HAUS8: variants seen among roughly 807,000 people sequenced by gnomAD.
The protein encoded by HAUS8 is HAUS augmin-like complex subunit 8.
In HAUS8, 38 loss-of-function variants were observed where a neutral mutation model predicts 42.9. The ratio of observed to expected loss-of-function variants is 0.89; its 90% CI spans 0.68 to 1.16. The LOEUF (loss-of-function observed/expected upper bound fraction) is 1.16, where lower values mean the gene tolerates loss of function less well. Ranked by LOEUF, HAUS8 falls within the 50% of genes most tolerant of loss-of-function variation. The pLI, the probability that HAUS8 is intolerant of heterozygous loss-of-function variation, is 0.00. For synonymous variants in HAUS8, 199 were observed against 205.8 expected (o/e 0.97, Z 0.28); for missense variants, 494 against 511.6 (o/e 0.97, Z 0.33).
At chr19:17,060,835 A>G (rs2057356080) in intron 4 of HAUS8, among the ~76,000 whole-genome samples, 1 of 152,252 alleles carries the variant, frequency 6.6e-6, no homozygotes, top group Non-Finnish European at 1.5e-5. Flanking sequence ...GGGCACTAGC[A>G]TACAGCATGC....
rs1332769065 is a variant in HAUS8, at chr19:17,050,080, G to A, written c.1026C>T (p.Pro342=). The change falls in exon 11 of 11, where the codon CCC becomes CCT. Residue 342 remains proline, a synonymous_variant. Transcript: ENST00000253669. ...CTTGATTGAAATACCACCGGCTGGG[G>A]GGCGCCATGCCCTGGGTCTCTTCCC... ...EVWEETQGMA[P]PSRWYFNQDS... 6.2e-7 allele frequency: 1 copy of A among 1,603,508 alleles called. No homozygotes were observed. The highest frequency in any genetic ancestry group is 8.5e-7 in the Non-Finnish European group (1 of 1,175,034).
Position 17,058,700 on chromosome 19 carries a change from T to C in HAUS8, c.494A>G (p.Asn165Ser). The C allele has an allele frequency of 6.2e-7, 1 of 1,607,404 alleles. No homozygotes were observed. Among genetic ancestry groups the C allele is most frequent in the Middle Eastern group, 1.7e-4 (1 of 6,014 alleles). ...CCTTCTTTCAAACTCAGCAAGATTG[T>C]TCTCCATCTGTTAAATGTGAAAGAA... ...LLTLLSVKME[N>S]NLAEFERRAE... Residue 165 changes from asparagine (N) to serine (S), a missense_variant, in exon 8 of 11, where the codon AAC becomes AGC. Asn to Ser is a conservative substitution (Grantham distance 46, BLOSUM62 1). Coordinates refer to ENST00000253669, the MANE Select transcript of HAUS8 (RefSeq NM_033417.2).
At chr19:17,057,785 A>G (rs911315426) in intron 8 of HAUS8, among the ~76,000 whole-genome samples, 4 of 152,110 alleles carry the variant, frequency 2.6e-5, no homozygotes, top group African/African-American at 9.7e-5. Context: ...ATTTGAAAAG[A>G]GGGACTTTAT....
chr19:17,067,204 C>CAA (rs113437145), intron 3 of HAUS8, among the ~76,000 whole-genome samples: 2,361 of 124,154 alleles, frequency 0.019, 77 homozygotes, highest in African/African-American at 0.062. Flanking sequence ...GACTCCATCT[C>CAA]AAAAAAAAAA....
Position 17,049,870 on chromosome 19 carries a change from G to C in HAUS8, c.*3C>G, listed in dbSNP as rs377710047. 3 of 1,470,682 alleles carry C rather than the reference G, an allele frequency of 2.0e-6. No individual in the cohort carries two copies. The highest frequency in any genetic ancestry group is 1.4e-5 in the African/African-American group (1 of 70,090). The allele number at this position is 1,470,682 out of a possible 1,614,324, so 91.1% of individuals were successfully genotyped here. On this transcript the variant is annotated 3_prime_UTR_variant, in exon 11 of 11. Coordinates refer to ENST00000253669, the MANE Select transcript of HAUS8 (RefSeq NM_033417.2). ...GCTCAAGTATCCTGAATGTAACCAT[G>C]AGTCATGACAAGTCCCTCCCTGAAC...
At chr19:17,073,386 A>G in intron 1 of HAUS8, 51 bp from the exon 2 acceptor site, 9 of 1,562,142 alleles carry the variant, frequency 5.8e-6, no homozygotes, top group Non-Finnish European at 7.9e-6. Flanking sequence ...CAAGAAGCAC[A>G]GGGAAGCCGG....
intron 10 of HAUS8, 195 bp downstream of exon 10, chr19:17,052,630 A>T: frequency 1.9e-6 from 1 of 530,938 alleles, no homozygotes; most frequent in East Asian, 3.2e-5. Context: ...AGATTTTGTT[A>T]TCCACAATAC....
chr19:17,063,472 C>T (rs911390456), intron 3 of HAUS8, among the ~76,000 whole-genome samples: 13 of 152,188 alleles, frequency 8.5e-5, no homozygotes, highest in African/African-American at 2.4e-4. Context: ...TTCTTACAAA[C>T]GTAATTTTTC....
In HAUS8 at chr19:17,058,619, G is replaced by A. The variant is rs774418271; in HGVS notation, c.575C>T (p.Ala192Val). The change falls in exon 8 of 11, where the codon GCC becomes GTC. Residue 192 changes from alanine to valine, a missense_variant. Coordinates refer to ENST00000253669, the MANE Select transcript of HAUS8 (RefSeq NM_033417.2). ...CKEKEKLQKK[A>V]HELKRRLLLS... ...GAGAAGCCTGCGCTTCAGCTCGTGG[G>A]CCTTTTTCTGTAGCTTCTCCTTCTC... 6.2e-7 allele frequency: 1 copy of A among 1,613,668 alleles called. No individual in the cohort carries two copies. The highest frequency in any genetic ancestry group is 1.7e-5 in the Admixed American group (1 of 59,886).
In HAUS8 at chr19:17,052,940, T is replaced by C; in HGVS notation, c.814A>G (p.Thr272Ala). 2 of 1,614,164 alleles carry C rather than the reference T, an allele frequency of 1.2e-6. No individual in the cohort carries two copies. Among genetic ancestry groups the C allele is most frequent in the South Asian group, 1.1e-5 (1 of 91,080 alleles). The change falls in exon 10 of 11, where the codon ACT becomes GCT. Residue 272 changes from threonine (T) to alanine (A), a missense_variant. Physicochemically the swap from Thr to Ala is moderately conservative, Grantham distance 58. Coordinates refer to ENST00000253669, the MANE Select transcript of HAUS8 (RefSeq NM_033417.2). ...LDALQHELVTTQRLLGELDVG... is the reference protein window; with the variant it reads ...LDALQHELVTAQRLLGELDVG... ...TCAAGTTCTCCCAGGAGGCGCTGAG[T>C]GGTCACCAGTTCATGCTGCAGGGCG...
chr19:17,056,932 T>G (rs568856657), intron 8 of HAUS8, among the ~76,000 whole-genome samples: 28 of 152,168 alleles, frequency 1.8e-4, no homozygotes, highest in African/African-American at 6.0e-4. Flanking sequence ...CAAGGTGGAG[T>G]GCTGTGGAGT....
At chr19:17,075,252 T>G (rs1246980818) in intron 1 of HAUS8, 142 bp downstream of exon 1, 2 of 875,648 alleles carry the variant, frequency 2.3e-6, no homozygotes, top group East Asian at 2.6e-5. Context: ...CAGCACGCCA[T>G]CGGGGTCTTC....
intron 9 of HAUS8, among the ~76,000 whole-genome samples, chr19:17,054,515 A>T (rs1417076683): frequency 6.6e-6 from 1 of 151,906 alleles, no homozygotes; most frequent in Non-Finnish European, 1.5e-5. Context: ...ATAATTAGCC[A>T]GGTGCGCCAG....
intron 9 of HAUS8, chr19:17,053,428 G>A (rs1055341631): frequency 6.1e-6 from 1 of 162,882 alleles, no homozygotes; most frequent in Admixed American, 6.0e-5. Context: ...AAGGCCAGTC[G>A]TACATGAGAG....
intron 2 of HAUS8, among the ~76,000 whole-genome samples, chr19:17,072,338 CTTT>C (rs71180355): frequency 4.6e-5 from 4 of 87,530 alleles, no homozygotes; most frequent in Non-Finnish European, 4.1e-5. Flanking sequence ...CGAGCATTTC[CTTT>C]TTTTTTTTTT....
intron 3 of HAUS8, among the ~76,000 whole-genome samples, chr19:17,068,797 G>A (rs546283084): frequency 1.3e-5 from 2 of 152,202 alleles, no homozygotes; most frequent in South Asian, 2.1e-4. Context: ...ACGATACCAT[G>A]TTTCAATGGA....
intron 3 of HAUS8, among the ~76,000 whole-genome samples, chr19:17,067,496 C>A (rs1036682596): frequency 6.6e-6 from 1 of 151,988 alleles, no homozygotes; most frequent in East Asian, 1.9e-4. Flanking sequence ...TCAAAACAGG[C>A]AAGACCCTAT....
chr19:17,067,890 T>C (rs1032788397), intron 3 of HAUS8, among the ~76,000 whole-genome samples: 1 of 152,110 alleles, frequency 6.6e-6, no homozygotes, highest in African/African-American at 2.4e-5. Context: ...TATATAATTG[T>C]ATAATCTACT....
At chr19:17,071,633 G>C (rs2057424708) in intron 2 of HAUS8, among the ~76,000 whole-genome samples, 1 of 152,142 alleles carries the variant, frequency 6.6e-6, no homozygotes, top group Non-Finnish European at 1.5e-5. Flanking sequence ...TCTCAGGCTT[G>C]GGCTGCCTTG....
Sources: allele counts gnomAD v4.1 joint callset (sites outside exome capture counted in the v4.1 genomes callset), GRCh38; gene constraint gnomAD v4.1.1; transcripts MANE v1.5; gene names NCBI Gene and HGNC (gene_info 2026-07-23, HGNC 2026-07-21).